NANP: variants seen among roughly 807,000 people sequenced by gnomAD.
The protein encoded by NANP is N-acetylneuraminic acid phosphatase, also known as N-acylneuraminate-9-phosphatase.
Under a neutral mutation model 16.9 loss-of-function variants are expected in NANP, and 15 were observed. The ratio of observed to expected loss-of-function variants is 0.89; its 90% CI spans 0.59 to 1.37. The LOEUF is 1.37. Among genes scored for constraint, NANP ranks in the 40% most tolerant of loss-of-function variants. The pLI is 0.00. For synonymous variants in NANP, 135 were observed against 112.6 expected (o/e 1.20, Z -1.26); for missense variants, 290 against 303.5 (o/e 0.96, Z 0.33).
rs1375709877 is a variant in NANP, at chr20:25,623,889, C to T, written c.60G>A (p.Thr20=). 2 of 1,613,652 alleles carry T rather than the reference C, an allele frequency of 1.2e-6. No homozygotes were observed. The highest frequency in any genetic ancestry group is 1.3e-5 in the African/African-American group (1 of 75,018). ...FFDLDNTLID[T]AGASRRGMLE... ...ACATGCCTCTCCTGCTCGCCCCGGC[C>T]GTGTCGATGAGAGTGTTGTCCAAGT... Residue 20 remains threonine (T), a synonymous_variant, in exon 1 of 2, where the codon ACG becomes ACA. Coordinates refer to ENST00000304788, the MANE Select transcript of NANP (RefSeq NM_152667.3).
At chr20:25,618,062 C>T (rs1007612255) in intron 1 of NANP, among the ~76,000 whole-genome samples, 1 of 152,140 alleles carries the variant, frequency 6.6e-6, no homozygotes, top group Admixed American at 6.5e-5. Context: ...CATCTGGGAT[C>T]TGCATCCATA....
intron 1 of NANP, among the ~76,000 whole-genome samples, chr20:25,619,068 C>A (rs1056890635): frequency 6.6e-6 from 1 of 151,518 alleles, no homozygotes; most frequent in African/African-American, 2.4e-5. Flanking sequence ...GAGAGAGGAA[C>A]GCATGTGTTT....
chr20:25,615,881 AGC>A lies in NANP; in HGVS notation c.*42_*43del. 6.5e-7 allele frequency: 1 copy of A among 1,533,386 alleles called. No individual in the cohort carries two copies. Among genetic ancestry groups the A allele is most frequent in the South Asian group, 1.3e-5 (1 of 77,852 alleles). The allele number at this position is 1,533,386 out of a possible 1,614,324, so 95.0% of individuals were successfully genotyped here. A position where few individuals can be genotyped will look rare whatever the true frequency, so the allele number is the denominator to read the frequency against. ...CCCTAACTTTTCTTATTTCATACTC[AGC>A]AAATTGATTCTAACATTCATAATCA... On this transcript the variant is annotated 3_prime_UTR_variant, in exon 2 of 2. Coordinates refer to ENST00000304788, the MANE Select transcript of NANP (RefSeq NM_152667.3).
chr20:25,621,069 G>C (rs538297367), intron 1 of NANP, among the ~76,000 whole-genome samples: 1 of 152,172 alleles, frequency 6.6e-6, no homozygotes, highest in South Asian at 2.1e-4. Flanking sequence ...GATCCAGCAC[G>C]ACAGAAGGGG....
At position 25,614,157 on chromosome 20, in the gene NANP, G is replaced by C. The variant is rs1600396072; in HGVS notation, c.*1768C>G. ...GAAAAGTAAACACGAAAGGGCATTT[G>C]CATGAGGCAGAGAATTCTGTTTCTT... On this transcript the variant is annotated 3_prime_UTR_variant, in exon 2 of 2. Transcript: ENST00000304788. 1 of 242,474 alleles carries C rather than the reference G, an allele frequency of 4.1e-6. No homozygotes were observed. Among genetic ancestry groups the C allele is most frequent in the East Asian group, 7.7e-5 (1 of 13,018 alleles). 15.0% of individuals were successfully genotyped at this position (242,474 alleles called of 1,614,324 possible). A position where few individuals can be genotyped will look rare whatever the true frequency, so the allele number is the denominator to read the frequency against.
rs775690232 is a variant in NANP at position 25,623,860 on chromosome 20, T to A, written c.89A>T (p.Glu30Val). 1.2e-6 allele frequency: 2 copies of A among 1,613,114 alleles called. No homozygotes were observed. The highest frequency in any genetic ancestry group is 1.7e-6 in the Non-Finnish European group (2 of 1,179,600). The change falls in exon 1 of 2, where the codon GAG (glutamate) becomes GTG (valine). Residue 30 changes from glutamate (E) to valine (V), a missense_variant and splice_region_variant. Physicochemically the swap from Glu to Val is moderately radical, Grantham distance 121. Transcript: ENST00000304788. The part of the protein sequence containing the change: ...TAGASRRGML[E>V]VIKLLQSKYH... Reference sequence around the variant, plus strand: ...GAGCGCCATGGGTGGGGACGTTACCTCCAACATGCCTCTCCTGCTCGCCCC... The same window carrying A: ...GAGCGCCATGGGTGGGGACGTTACCACCAACATGCCTCTCCTGCTCGCCCC...
rs371424539 is a variant in NANP, at chr20:25,616,000, A to G, written c.672T>C (p.His224=). ...ACTCTAGCACAGAAGAAACCATGTA[A>G]TGCGGAACTGGGGAGGACTTCAGTG... is the stretch of plus-strand genomic sequence containing the variant. ...IVPLKSSPVP[H]YMVSSVLELP... is the part of the protein sequence containing the mutation. The change falls in exon 2 of 2, where the codon CAT becomes CAC. Residue 224 remains histidine, a synonymous_variant. Transcript: ENST00000304788. 43 of 1,614,218 alleles carry G rather than the reference A, an allele frequency of 2.7e-5. No homozygotes were observed. The African/African-American group carries it at 4.9e-4, about 19-fold the overall frequency.
rs1227004009 is a variant in NANP at position 25,617,021 on chromosome 20, AAAAAC to A, written c.91-445_91-441del. 3.3e-5 allele frequency among the ~76,000 whole-genome samples: 5 copies of A among 152,188 alleles called. No individual in the cohort carries two copies. In the East Asian group the frequency reaches 5.8e-4, roughly 18 times the overall value. On this transcript the variant is annotated intron_variant, in intron 1 of 1. Coordinates refer to ENST00000304788, the MANE Select transcript of NANP (RefSeq NM_152667.3). ...GAGCAACATATCGAGACCCCATCTT[AAAAAC>A]AAAACAAAACAAAAACAAAAACTCG...
Position 25,612,960 on chromosome 20 carries a change from T to G in NANP, c.*2965A>C, listed in dbSNP as rs1216273347. The G allele has an allele frequency of 6.6e-6, 1 of 152,226 alleles. No individual in the cohort carries two copies. The highest frequency in any genetic ancestry group is 1.5e-5 in the Non-Finnish European group (1 of 68,036). The allele number at this position is 152,226 out of a possible 1,614,324, so 9.4% of individuals were successfully genotyped here. On this transcript the variant is annotated 3_prime_UTR_variant, in exon 2 of 2. Coordinates refer to ENST00000304788, the MANE Select transcript of NANP (RefSeq NM_152667.3). ...TTTTCACCATTCACCCTTTTATTTT[T>G]TTGACTTGTGTACTACAAGTAGTAC...
At chr20:25,619,321 A>G (rs542639666) in intron 1 of NANP, among the ~76,000 whole-genome samples, 1 of 152,092 alleles carries the variant, frequency 6.6e-6, no homozygotes, top group East Asian at 1.9e-4. Context: ...GGGTCTTGCC[A>G]TATTGCCCAG....
intron 1 of NANP, among the ~76,000 whole-genome samples, chr20:25,617,846 C>T (rs1260748856): frequency 2.0e-5 from 3 of 152,118 alleles, no homozygotes; most frequent in Non-Finnish European, 4.4e-5. Flanking sequence ...TTAAATACTC[C>T]CTCTTCCTGC....
At chr20:25,617,548 G>A (rs953337488) in intron 1 of NANP, among the ~76,000 whole-genome samples, 4 of 151,832 alleles carry the variant, frequency 2.6e-5, no homozygotes, top group African/African-American at 7.3e-5. Context: ...ACAGAGTCTC[G>A]CTCTGTTGCC....
chr20:25,621,291 T>C (rs2065363314), intron 1 of NANP, among the ~76,000 whole-genome samples: 1 of 152,222 alleles, frequency 6.6e-6, no homozygotes, highest in South Asian at 2.1e-4. Context: ...TAAATATTTA[T>C]TATGTTCACT....
Position 25,616,178 on chromosome 20 carries a change from G to A in NANP, c.494C>T (p.Pro165Leu). The stretch of plus-strand genomic sequence containing the variant: ...GCAGTAATAAAATATGGACGGTGCT[G>A]GTTTCTCCTCTCTCTGCTCTCCACC... ...VVGGEQREEKPAPSIFYYCCN... is the reference protein window; with the variant it reads ...VVGGEQREEKLAPSIFYYCCN... Residue 165 changes from proline to leucine, a missense_variant, in exon 2 of 2, where the codon CCA (proline) becomes CTA (leucine). Transcript: ENST00000304788. 1 of 1,614,078 alleles carries A rather than the reference G, an allele frequency of 6.2e-7. No homozygotes were observed. The highest frequency in any genetic ancestry group is 1.7e-5 in the Admixed American group (1 of 60,010).
rs141900243 is a variant in NANP, at chr20:25,621,782, T to C, written c.90+2077A>G. On this transcript the variant is annotated intron_variant, in intron 1 of 1. Coordinates refer to ENST00000304788, the MANE Select transcript of NANP (RefSeq NM_152667.3). Reference sequence around the variant, plus strand: ...GTTAGCCAGGATGGTCTCCATCTGCTGACCTCGTGATCTGCCCATCTCGGT... The same window carrying C: ...GTTAGCCAGGATGGTCTCCATCTGCCGACCTCGTGATCTGCCCATCTCGGT... Among the ~76,000 whole-genome samples the C allele has an allele frequency of 9.6e-4, 146 of 152,336 alleles. 2 individuals carry two copies. In the East Asian group the frequency reaches 0.026, roughly 27 times the overall value.
rs2065378984 is a variant in NANP at position 25,623,856 on chromosome 20, T to C, written c.90+3A>G. The C allele has an allele frequency of 6.2e-7, 1 of 1,612,740 alleles. No homozygotes were observed. Among genetic ancestry groups the C allele is most frequent in the African/African-American group, 1.3e-5 (1 of 74,826 alleles). ...AGAGGAGCGCCATGGGTGGGGACGT[T>C]ACCTCCAACATGCCTCTCCTGCTCG... is the stretch of plus-strand genomic sequence containing the variant. On this transcript the variant is annotated splice_donor_region_variant and intron_variant, in intron 1 of 1. Transcript: ENST00000304788.
chr20:25,618,054 T>C (rs1478521441), intron 1 of NANP, among the ~76,000 whole-genome samples: 1 of 152,178 alleles, frequency 6.6e-6, no homozygotes, highest in Non-Finnish European at 1.5e-5. Context: ...AACTCGCCCA[T>C]CTGGGATCTG....
intron 1 of NANP, among the ~76,000 whole-genome samples, chr20:25,619,282 C>A (rs1327567479): frequency 2.0e-5 from 3 of 152,054 alleles, no homozygotes; most frequent in African/African-American, 7.2e-5. Flanking sequence ...CACCACCATA[C>A]CCAGCTAATA....
In NANP at chr20:25,616,471, G is replaced by T. The variant is rs756760510; in HGVS notation, c.201C>A (p.Cys67Ter). Residue 67 changes from cysteine to a stop codon, truncating the protein, a stop_gained, in exon 2 of 2, where the codon TGC becomes TGA. Coordinates refer to ENST00000304788, the MANE Select transcript of NANP (RefSeq NM_152667.3). LOFTEE classifies it high-confidence loss of function. ...SKECFHPYNT[C>*]ITDLRTSHWE... is the part of the protein sequence containing the mutation. ...AATGTGAAGTCCTTAAATCAGTAAT[G>T]CATGTATTGTAAGGATGAAAACATT... 6.2e-7 allele frequency: 1 copy of T among 1,613,952 alleles called. No individual in the cohort carries two copies. The highest frequency in any genetic ancestry group is 8.5e-7 in the Non-Finnish European group (1 of 1,179,948).
Sources: allele counts gnomAD v4.1 joint callset (sites outside exome capture counted in the v4.1 genomes callset), GRCh38; gene constraint gnomAD v4.1.1; transcripts MANE v1.5; gene names NCBI Gene and HGNC (gene_info 2026-07-23, HGNC 2026-07-21).